CSMD1: variants seen among roughly 807,000 people sequenced by gnomAD.
CSMD1 encodes CUB and sushi domain-containing protein 1.
In CSMD1, 213 loss-of-function variants were observed where a neutral mutation model predicts 417.5. That is an observed-to-expected ratio of 0.51 (90% CI 0.46 to 0.57). The LOEUF is 0.57. Among genes scored for constraint, CSMD1 ranks in the 20% least tolerant of loss-of-function variants. CSMD1 has a pLI of 0.00. For missense variants in CSMD1, 6,923 were observed against 4,529.7 expected (o/e 1.53, Z -15.17); for synonymous variants, 2,862 against 1,736.8 (o/e 1.65, Z -16.11).
chr8:4,129,710 T>G (rs1021856028), intron 3 of CSMD1, among the ~76,000 whole-genome samples: 2 of 152,142 alleles, frequency 1.3e-5, no homozygotes, highest in African/African-American at 4.8e-5. Context: ...TCCATTTTCA[T>G]TCAGTATTCA....
At chr8:3,524,087 G>A (rs560576635) in intron 10 of CSMD1, among the ~76,000 whole-genome samples, 40 of 109,274 alleles carry the variant, frequency 3.7e-4, no homozygotes, top group Admixed American at 1.5e-3. Flanking sequence ...ATGCACACAC[G>A]CATGCACACC....
intron 5 of CSMD1, among the ~76,000 whole-genome samples, chr8:3,912,579 T>C (rs150851100): frequency 3.3e-5 from 5 of 152,214 alleles, no homozygotes; most frequent in Admixed American, 6.5e-5. Flanking sequence ...GAGATGAAAG[T>C]TGAAGCATGA....
intron 5 of CSMD1, among the ~76,000 whole-genome samples, chr8:3,914,829 A>C (rs1186551765): frequency 6.6e-6 from 1 of 151,970 alleles, no homozygotes; most frequent in African/African-American, 2.4e-5. Context: ...GAGTGTCCTT[A>C]TGCTAGAATG....
In CSMD1 at chr8:4,652,676, G is replaced by A. The variant is rs540962450; in HGVS notation, c.86-15118C>T. Among the ~76,000 whole-genome samples the A allele has an allele frequency of 8.5e-5, 13 of 152,118 alleles. No homozygotes were observed. The South Asian group carries it at 1.2e-3, about 15-fold the overall frequency. On this transcript the variant is annotated intron_variant, in intron 1 of 69. Coordinates refer to ENST00000635120, the MANE Select transcript of CSMD1 (RefSeq NM_033225.6). ...AAAATTTAAAAAAAAAGACAGATTCGCCACAGCTTCAGCCATCAGGGCAAT... is the reference window on the plus strand; with the variant it reads ...AAAATTTAAAAAAAAAGACAGATTCACCACAGCTTCAGCCATCAGGGCAAT...
rs972432019 is a variant in CSMD1 at position 4,138,178 on chromosome 8, G to A, written c.416-106079C>T. ...GATCCTCCCACCTGGGCCTCCCAAA[G>A]TGCTGGGATTACAGGCGCAGCCTTA... On this transcript the variant is annotated intron_variant, in intron 3 of 69. Coordinates refer to ENST00000635120, the MANE Select transcript of CSMD1 (RefSeq NM_033225.6). Among the ~76,000 whole-genome samples the A allele has an allele frequency of 1.4e-5, 2 of 141,574 alleles. 1 individual carries two copies. The highest frequency in any genetic ancestry group is 3.0e-5 in the Non-Finnish European group (2 of 66,468). The allele number at this position is 141,574 out of a possible 152,430, so 92.9% of individuals were successfully genotyped here.
chr8:4,205,026 G>C (rs1443391071), intron 3 of CSMD1, among the ~76,000 whole-genome samples: 3 of 152,060 alleles, frequency 2.0e-5, no homozygotes, highest in Non-Finnish European at 2.9e-5. Context: ...ATGTATTCAA[G>C]CAAGAGTAAT....
chr8:4,912,254 G>C (rs886713161), intron 1 of CSMD1, among the ~76,000 whole-genome samples: 7 of 152,046 alleles, frequency 4.6e-5, no homozygotes, highest in African/African-American at 1.7e-4. Flanking sequence ...GAAATTATTG[G>C]CAAGAACATG....
chr8:3,136,929 T>C (rs916475619), intron 41 of CSMD1, among the ~76,000 whole-genome samples: 2 of 152,254 alleles, frequency 1.3e-5, no homozygotes, highest in Non-Finnish European at 1.5e-5. Flanking sequence ...AATACTGTTT[T>C]GAATTTAAAA....
intron 1 of CSMD1, among the ~76,000 whole-genome samples, chr8:4,922,162 G>C (rs1341085233): frequency 1.3e-5 from 2 of 152,094 alleles, no homozygotes; most frequent in African/African-American, 4.8e-5. Context: ...GTAAATTCTA[G>C]AAGGGGTGAA....
intron 4 of CSMD1, among the ~76,000 whole-genome samples, chr8:4,000,106 C>A (rs1170690918): frequency 1.3e-5 from 2 of 152,230 alleles, no homozygotes; most frequent in African/African-American, 4.8e-5. Flanking sequence ...TCCTGCCCCC[C>A]GCCCTCCGTG....
At chr8:4,311,366 G>C (rs181995405) in intron 3 of CSMD1, among the ~76,000 whole-genome samples, 9 of 152,280 alleles carry the variant, frequency 5.9e-5, no homozygotes, top group African/African-American at 2.2e-4. Context: ...GGATGGAGCT[G>C]GAGGCCATTA....
chr8:3,268,115 C>T (rs137999479), intron 26 of CSMD1, among the ~76,000 whole-genome samples: 50 of 151,794 alleles, frequency 3.3e-4, no homozygotes, highest in African/African-American at 1.2e-3. Flanking sequence ...TAGGAAGAGA[C>T]GGGATATTTG....
At chr8:4,365,466 T>G (rs771167234) in intron 3 of CSMD1, among the ~76,000 whole-genome samples, 20 of 152,216 alleles carry the variant, frequency 1.3e-4, no homozygotes, top group Non-Finnish European at 2.5e-4. Context: ...TGTCTGTTCT[T>G]TTTCTCCAAG....
At chr8:3,229,348 T>A (rs946306969) in intron 27 of CSMD1, among the ~76,000 whole-genome samples, 2 of 152,222 alleles carry the variant, frequency 1.3e-5, no homozygotes. Context: ...ATACTCTAAG[T>A]ACGAATTTTA....
At chr8:3,252,226 A>G (rs891913765) in intron 26 of CSMD1, among the ~76,000 whole-genome samples, 11 of 152,080 alleles carry the variant, frequency 7.2e-5, no homozygotes, top group South Asian at 4.1e-4. Flanking sequence ...ATTATTTTGA[A>G]ATACGTCCCA....
intron 1 of CSMD1, among the ~76,000 whole-genome samples, chr8:4,885,405 T>A (rs1803674057): frequency 6.6e-6 from 1 of 152,086 alleles, no homozygotes; most frequent in South Asian, 2.1e-4. Context: ...ATCGATGTCT[T>A]GTTCCTGATC....
At chr8:4,793,524 A>G (rs941902296) in intron 1 of CSMD1, among the ~76,000 whole-genome samples, 12 of 151,986 alleles carry the variant, frequency 7.9e-5, no homozygotes, top group Non-Finnish European at 1.8e-4. Context: ...ACACCAGGGC[A>G]CAGTCATAGC....
intron 8 of CSMD1, among the ~76,000 whole-genome samples, chr8:3,594,536 T>C (rs17066503): frequency 0.05 from 7,537 of 152,226 alleles, 374 homozygotes; most frequent in East Asian, 0.15. Context: ...CAGGAATGTT[T>C]TTCAAAGGTT....
chr8:4,126,833 C>G (rs950220147), intron 3 of CSMD1, among the ~76,000 whole-genome samples: 1 of 152,072 alleles, frequency 6.6e-6, no homozygotes, highest in Non-Finnish European at 1.5e-5. Flanking sequence ...ATGTCCAGGA[C>G]AAGTAAAGTG....
Sources: gnomAD v4.1 joint callset for allele counts (sites outside exome capture counted in the v4.1 genomes callset) on GRCh38, gnomAD v4.1.1 for gene constraint, MANE v1.5 for transcripts, NCBI Gene and HGNC (gene_info 2026-07-23, HGNC 2026-07-21) for gene names.